The following KIZ variants were observed in gnomAD, a reference collection of about 807,000 sequenced individuals.
The protein encoded by KIZ is kizuna centrosomal protein.
A neutral mutation model predicts 79.6 loss-of-function variants in KIZ; 68 were observed. The ratio of observed to expected loss-of-function variants is 0.85; its 90% CI spans 0.70 to 1.05. The LOEUF (loss-of-function observed/expected upper bound fraction) is 1.05, where lower values mean the gene tolerates loss of function less well. Ranked by LOEUF, KIZ falls within the 50% of genes least tolerant of loss-of-function variation. KIZ has a pLI of 0.00. For missense variants in KIZ, 797 were observed against 800.4 expected (o/e 1.00, Z 0.05); for synonymous variants, 280 against 281.8 (o/e 0.99, Z 0.06).
At chr20:21,158,147 T>C (rs540583960) in intron 4 of KIZ, among the ~76,000 whole-genome samples, 34 of 152,364 alleles carry the variant, frequency 2.2e-4, no homozygotes, top group Admixed American at 8.5e-4. Context: ...TTAAAATTTG[T>C]CTTTGTTATT....
intron 6 of KIZ, among the ~76,000 whole-genome samples, chr20:21,185,088 G>C (rs544982011): frequency 6.6e-6 from 1 of 152,058 alleles, no homozygotes. Flanking sequence ...CTGTGTGTAC[G>C]TGTGTGTATG....
chr20:21,244,265 C>A lies in KIZ; in HGVS notation c.1901C>A (p.Pro634His). The change falls in exon 12 of 13, where the codon CCC becomes CAC. Residue 634 changes from proline (P) to histidine (H), a missense_variant. Pro to His is a moderately conservative substitution (Grantham distance 77). Coordinates refer to ENST00000619189, the MANE Select transcript of KIZ (RefSeq NM_018474.6). ...PLSRHENKKK[P>H]VINLKSNALW... is the part of the protein sequence containing the mutation. ...TGCAGGCATGAAAACAAAAAGAAACCCGTGATCAATTTAAAATCTAATGGT... is the reference window on the plus strand; with the variant it reads ...TGCAGGCATGAAAACAAAAAGAAACACGTGATCAATTTAAAATCTAATGGT... 1 of 1,602,466 alleles carries A rather than the reference C, an allele frequency of 6.2e-7. No individual in the cohort carries two copies. Among genetic ancestry groups the A allele is most frequent in the East Asian group, 2.2e-5 (1 of 44,814 alleles).
intron 4 of KIZ, among the ~76,000 whole-genome samples, chr20:21,149,866 G>A (rs1367930580): frequency 1.3e-5 from 2 of 152,214 alleles, no homozygotes; most frequent in Non-Finnish European, 2.9e-5. Flanking sequence ...AGTGACTTAG[G>A]TTGGAATCCC....
At chr20:21,134,936 G>A (rs1377240958) in intron 2 of KIZ, among the ~76,000 whole-genome samples, 1 of 151,980 alleles carries the variant, frequency 6.6e-6, no homozygotes, top group Non-Finnish European at 1.5e-5. Context: ...CAAAATGCTG[G>A]GATTACAGCC....
In KIZ at chr20:21,161,996, C is replaced by A. The variant is rs758692347; in HGVS notation, c.531C>A (p.His177Gln). ...GCATGAGAGATTTCAGTACAGAGCA[C>A]AAATCTCCCCAGCCCACAAAGAACT... ...ILSMRDFSTE[H>Q]KSPQPTKNFS... Residue 177 changes from histidine (H) to glutamine (Q), a missense_variant, in exon 5 of 13, where the codon CAC becomes CAA. Coordinates refer to ENST00000619189, the MANE Select transcript of KIZ (RefSeq NM_018474.6). 6.2e-7 allele frequency: 1 copy of A among 1,613,954 alleles called. No homozygotes were observed. Among genetic ancestry groups the A allele is most frequent in the East Asian group, 2.2e-5 (1 of 44,866 alleles).
At position 21,229,036 on chromosome 20, in the gene KIZ, G is replaced by A; in HGVS notation, c.1704G>A (p.Lys568=). 6.2e-7 allele frequency: 1 copy of A among 1,610,116 alleles called. No homozygotes were observed. The highest frequency in any genetic ancestry group is 8.5e-7 in the Non-Finnish European group (1 of 1,177,062). ...ITETEAYQLL[K]KATLQDNTNQ... ...AAACAGAAGCCTATCAGTTGCTGAA[G>A]AAGGCCACCCTTCAGGATAATACAA... The change falls in exon 10 of 13, where the codon AAG becomes AAA. Residue 568 remains lysine (K), a synonymous_variant. Transcript: ENST00000619189.
chr20:21,161,247 A>G (rs1285691621), intron 4 of KIZ, among the ~76,000 whole-genome samples: 3 of 152,218 alleles, frequency 2.0e-5, no homozygotes, highest in Non-Finnish European at 2.9e-5. Flanking sequence ...TATCAGATAC[A>G]TAATTTACAA....
chr20:21,154,226 G>A (rs2033261873), intron 4 of KIZ: 1 of 152,088 alleles, frequency 6.6e-6, no homozygotes, highest in African/African-American at 2.4e-5. Context: ...GAAAAATAAA[G>A]ATTTCCTTAG....
At chr20:21,242,602 G>T (rs1237984494) in intron 11 of KIZ, among the ~76,000 whole-genome samples, 1 of 152,008 alleles carries the variant, frequency 6.6e-6, no homozygotes, top group Non-Finnish European at 1.5e-5. Context: ...GGCCAGACTG[G>T]ATGTGAAGGA....
chr20:21,131,823 T>C, intron 1 of KIZ: 1 of 267,568 alleles, frequency 3.7e-6, no homozygotes, highest in Non-Finnish European at 7.0e-6. Context: ...TTTGTGGATT[T>C]TATTCTTTTG....
chr20:21,159,537 A>T (rs2122654265), intron 4 of KIZ, among the ~76,000 whole-genome samples: 1 of 147,698 alleles, frequency 6.8e-6, no homozygotes, highest in East Asian at 1.9e-4. Flanking sequence ...TTCGGTCCCC[A>T]GCCTGGGGCA....
At chr20:21,188,251 C>A (rs753523542) in intron 6 of KIZ, among the ~76,000 whole-genome samples, 13 of 152,166 alleles carry the variant, frequency 8.5e-5, no homozygotes, top group Non-Finnish European at 1.8e-4. Flanking sequence ...CTGCCCCATA[C>A]CAGGGAGGAA....
At chr20:21,184,229 C>T (rs2034781245) in intron 6 of KIZ, among the ~76,000 whole-genome samples, 1 of 151,056 alleles carries the variant, frequency 6.6e-6, no homozygotes, top group Admixed American at 6.6e-5. Flanking sequence ...ATCACTGCAA[C>T]CTCTGCCTCC....
chr20:21,227,393 C>T (rs1168828917), intron 9 of KIZ, among the ~76,000 whole-genome samples: 1 of 152,100 alleles, frequency 6.6e-6, no homozygotes, highest in African/African-American at 2.4e-5. Flanking sequence ...CAAGAAGCTG[C>T]TCCTTTTTTT....
At chr20:21,182,985 G>A (rs753426673) in intron 6 of KIZ, among the ~76,000 whole-genome samples, 10 of 152,092 alleles carry the variant, frequency 6.6e-5, no homozygotes, top group Non-Finnish European at 1.0e-4. Flanking sequence ...GAGGCAAGGG[G>A]TTATTGCCCC....
intron 9 of KIZ, among the ~76,000 whole-genome samples, chr20:21,221,070 C>A (rs6047310): frequency 0.68 from 102,868 of 151,868 alleles, 34,939 homozygotes; most frequent in Middle Eastern, 0.79. Context: ...TCCTGACCTA[C>A]TATGTAGGTC....
rs1404665956 is a variant in KIZ at position 21,244,155 on chromosome 20, A to C, written c.1881-90A>C. ...TAAAGTTCTGGCCTCCAGTGAATCA[A>C]AGTGCTTCTTCTCTAATGCGTTCAT... On this transcript the variant is annotated intron_variant, in intron 11 of 12. Coordinates refer to ENST00000619189, the MANE Select transcript of KIZ (RefSeq NM_018474.6). 4.5e-6 allele frequency: 4 copies of C among 897,026 alleles called. No homozygotes were observed. The African/African-American group carries it at 6.7e-5, about 15-fold the overall frequency. 55.6% of individuals were successfully genotyped at this position (897,026 alleles called of 1,614,324 possible).
intron 11 of KIZ, among the ~76,000 whole-genome samples, chr20:21,238,659 A>G (rs2037115021): frequency 6.6e-6 from 1 of 152,076 alleles, no homozygotes; most frequent in South Asian, 2.1e-4. Flanking sequence ...CACTGTCATC[A>G]GTTCTCAGCC....
At chr20:21,199,112 T>A (rs1183155245) in intron 6 of KIZ, among the ~76,000 whole-genome samples, 1 of 152,216 alleles carries the variant, frequency 6.6e-6, no homozygotes, top group African/African-American at 2.4e-5. Flanking sequence ...ACTAAATGAT[T>A]CATTTTGTGA....
Sources: allele counts gnomAD v4.1 joint callset (sites outside exome capture counted in the v4.1 genomes callset), GRCh38; gene constraint gnomAD v4.1.1; transcripts MANE v1.5; gene names NCBI Gene and HGNC (gene_info 2026-07-23, HGNC 2026-07-21).